ANGPT2: variants seen among roughly 807,000 people sequenced by gnomAD.
The protein encoded by ANGPT2 is angiopoietin 2, also known as angiopoietin-2.
A neutral mutation model predicts 62.9 loss-of-function variants in ANGPT2; 28 were observed. The observed-to-expected ratio is 0.44, with a 90% confidence interval of 0.33 to 0.61. The LOEUF (loss-of-function observed/expected upper bound fraction) is 0.61. ANGPT2 is among the 20% of genes least tolerant of loss of function. The probability of loss-of-function intolerance (pLI) is 0.03; values close to 1 mark genes in which losing one functional copy is unlikely to be tolerated. For synonymous variants in ANGPT2, 284 were observed against 207.8 expected (o/e 1.37, Z -3.15); for missense variants, 727 against 594.9 (o/e 1.22, Z -2.31).
At chr8:6,537,789 G>T (rs940751308) in intron 1 of ANGPT2, among the ~76,000 whole-genome samples, 2 of 152,022 alleles carry the variant, frequency 1.3e-5, no homozygotes, top group Non-Finnish European at 2.9e-5. Flanking sequence ...AACTGGCTCA[G>T]TAAAGGAAAA....
rs377311137 is a variant in ANGPT2 at position 6,562,947 on chromosome 8, A to C, written c.-13T>G. The C allele has an allele frequency of 3.4e-5, 54 of 1,570,478 alleles. No homozygotes were observed. In the African/African-American group the frequency reaches 6.9e-4, roughly 20 times the overall value. Reference sequence around the variant, plus strand: ...CAATCTGCCACATTCTTTCTTCAGTAATAAACCAGCAGCTTAGCAAACTTG... The same window carrying C: ...CAATCTGCCACATTCTTTCTTCAGTCATAAACCAGCAGCTTAGCAAACTTG... On this transcript the variant is annotated 5_prime_UTR_variant, in exon 1 of 9. The change creates a new upstream start codon in the 5' untranslated region. Transcript: ENST00000629816.
chr8:6,541,853 T>A (rs1386704716), intron 1 of ANGPT2, among the ~76,000 whole-genome samples: 1 of 151,800 alleles, frequency 6.6e-6, no homozygotes, highest in Non-Finnish European at 1.5e-5. Flanking sequence ...AAAATTTTTT[T>A]AAAAATTAGC....
chr8:6,508,630 G>C (rs79055135), intron 8 of ANGPT2: 6,706 of 561,610 alleles, frequency 0.012, 374 homozygotes, highest in African/African-American at 0.11. Flanking sequence ...CATCTCTCTA[G>C]TATCCAGCAA....
chr8:6,511,966 C>G (rs186825146), intron 7 of ANGPT2, among the ~76,000 whole-genome samples: 332 of 148,080 alleles, frequency 2.2e-3, no homozygotes, highest in Non-Finnish European at 3.6e-3. Flanking sequence ...AAATATTTAA[C>G]TTGGAGGTAA....
In ANGPT2 at chr8:6,514,710, A is replaced by G. The variant is rs1476656091; in HGVS notation, c.996T>C (p.Val332=). The change falls in exon 6 of 9, where the codon GTT becomes GTC. Residue 332 remains valine, a synonymous_variant. Coordinates refer to ENST00000629816, the MANE Select transcript of ANGPT2 (RefSeq NM_001118887.2). ...ATTCTTTCCAAGTCCTCTGAAAATC[A>G]ACGCTGCCATCCTCACGTCGCTGAA... ...TIIQRREDGS[V]DFQRTWKEYK... 6 of 1,614,110 alleles carry G rather than the reference A, an allele frequency of 3.7e-6. 1 individual carries two copies. In the South Asian group the frequency reaches 5.5e-5, roughly 15 times the overall value.
At chr8:6,557,504 C>G (rs1333736747) in intron 1 of ANGPT2, among the ~76,000 whole-genome samples, 1 of 151,984 alleles carries the variant, frequency 6.6e-6, no homozygotes, top group African/African-American at 2.4e-5. Context: ...GGAGAAAATT[C>G]TCATTGTTAG....
At chr8:6,526,808 A>G (rs1007151411) in intron 3 of ANGPT2, among the ~76,000 whole-genome samples, 3 of 152,232 alleles carry the variant, frequency 2.0e-5, no homozygotes, top group South Asian at 4.1e-4. Context: ...CACACCAGGT[A>G]TGTGCATAAA....
chr8:6,513,427 G>T (rs1480507081), intron 7 of ANGPT2, among the ~76,000 whole-genome samples: 1 of 151,480 alleles, frequency 6.6e-6, no homozygotes, highest in Non-Finnish European at 1.5e-5. Flanking sequence ...CCGCCTCCCG[G>T]GTTCACGCCA....
At chr8:6,528,188 G>A (rs1818750089) in intron 2 of ANGPT2, among the ~76,000 whole-genome samples, 1 of 152,142 alleles carries the variant, frequency 6.6e-6, no homozygotes, top group Non-Finnish European at 1.5e-5. Context: ...ATTAGCCACT[G>A]CACCCGGCCG....
intron 1 of ANGPT2, among the ~76,000 whole-genome samples, chr8:6,551,380 T>C (rs999719129): frequency 6.7e-6 from 1 of 148,576 alleles, no homozygotes; most frequent in South Asian, 2.1e-4. Context: ...AGGCCAATTA[T>C]GTAACTGTAA....
At chr8:6,508,132 A>C (rs769551713) in intron 8 of ANGPT2, 1 of 152,222 alleles carries the variant, frequency 6.6e-6, no homozygotes, top group Admixed American at 6.5e-5. Flanking sequence ...AGGTGTTGCT[A>C]TATATTAATG....
intron 3 of ANGPT2, among the ~76,000 whole-genome samples, chr8:6,524,508 A>G (rs2129570087): frequency 6.6e-6 from 1 of 152,360 alleles, no homozygotes; most frequent in Middle Eastern, 3.4e-3. Context: ...AACCGAAAGC[A>G]TGTGAAATTG....
Position 6,503,000 on chromosome 8 carries a change from C to G in ANGPT2, c.*101G>C, listed in dbSNP as rs531091282. ...CCCGTCAGCACCGAGCACACGCCCTCTGTGGTGGAAGAGGACACAGTGCGC... is the reference window on the plus strand; with the variant it reads ...CCCGTCAGCACCGAGCACACGCCCTGTGTGGTGGAAGAGGACACAGTGCGC... On this transcript the variant is annotated 3_prime_UTR_variant, in exon 9 of 9. Transcript: ENST00000629816. 1.4e-6 allele frequency: 2 copies of G among 1,415,478 alleles called. No individual in the cohort carries two copies. The highest frequency in any genetic ancestry group is 1.4e-5 in the African/African-American group (1 of 70,830). The allele number at this position is 1,415,478 out of a possible 1,614,324, so 87.7% of individuals were successfully genotyped here. A position where few individuals can be genotyped will look rare whatever the true frequency, so the allele number is the denominator to read the frequency against.
intron 1 of ANGPT2, among the ~76,000 whole-genome samples, chr8:6,546,079 G>C (rs1822532423): frequency 6.6e-6 from 1 of 152,180 alleles, no homozygotes; most frequent in Non-Finnish European, 1.5e-5. Context: ...GGAACTACTG[G>C]CTCAATACTT....
chr8:6,539,011 C>A (rs971052270), intron 1 of ANGPT2, among the ~76,000 whole-genome samples: 1 of 144,460 alleles, frequency 6.9e-6, no homozygotes, highest in Non-Finnish European at 1.5e-5. Flanking sequence ...TCTCCTCCCC[C>A]TCCTTTTAGA....
chr8:6,532,596 A>G lies in ANGPT2; in HGVS notation c.289-109T>C, dbSNP rs928793153. 10 of 775,512 alleles carry G rather than the reference A, an allele frequency of 1.3e-5. No homozygotes were observed. In the African/African-American group the frequency reaches 1.7e-4, roughly 13 times the overall value. 48.0% of individuals were successfully genotyped at this position (775,512 alleles called of 1,614,324 possible). A position where few individuals can be genotyped will look rare whatever the true frequency, so the allele number is the denominator to read the frequency against. Reference sequence around the variant, plus strand: ...CTTTAAAAAAAAAAAAAAAAAATCTATCAAAAGACTTGTACCTTGCCTTCC... The same window carrying G: ...CTTTAAAAAAAAAAAAAAAAAATCTGTCAAAAGACTTGTACCTTGCCTTCC... On this transcript the variant is annotated intron_variant, in intron 1 of 8. Coordinates refer to ENST00000629816, the MANE Select transcript of ANGPT2 (RefSeq NM_001118887.2).
rs998517014 is a variant in ANGPT2 at position 6,514,571 on chromosome 8, C to G, written c.1029+106G>C. The G allele has an allele frequency of 1.9e-5, 19 of 991,776 alleles. No individual in the cohort carries two copies. In the Admixed American group the frequency reaches 2.6e-4, roughly 14 times the overall value. 61.4% of individuals were successfully genotyped at this position (991,776 alleles called of 1,614,324 possible). ...GAAGCACCAATTTTAAAAACCATGT[C>G]AAAAGTCATTGGTTAGTTTGGGATT... is the stretch of plus-strand genomic sequence containing the variant. On this transcript the variant is annotated intron_variant, in intron 6 of 8. Coordinates refer to ENST00000629816, the MANE Select transcript of ANGPT2 (RefSeq NM_001118887.2).
At position 6,502,891 on chromosome 8, in the gene ANGPT2, G is replaced by A. The variant is rs1812469012; in HGVS notation, c.*210C>T. On this transcript the variant is annotated 3_prime_UTR_variant, in exon 9 of 9. Transcript: ENST00000629816. ...GGTGTTCTGTCTAATCACAATTATGGATGTTTAGGGTCTTGCTTTGGTCCG... is the reference window on the plus strand; with the variant it reads ...GGTGTTCTGTCTAATCACAATTATGAATGTTTAGGGTCTTGCTTTGGTCCG... The A allele has an allele frequency of 3.6e-6, 2 of 551,646 alleles. No homozygotes were observed. The highest frequency in any genetic ancestry group is 3.4e-5 in the Admixed American group (1 of 29,600). 34.2% of individuals were successfully genotyped at this position (551,646 alleles called of 1,614,324 possible). A position where few individuals can be genotyped will look rare whatever the true frequency, so the allele number is the denominator to read the frequency against.
At chr8:6,554,467 G>A (rs3020228) in intron 1 of ANGPT2, among the ~76,000 whole-genome samples, 2,344 of 152,056 alleles carry the variant, frequency 0.015, 58 homozygotes, top group African/African-American at 0.05. Flanking sequence ...CATTTCCCAA[G>A]ATTTCTATAT....
Sources: allele counts gnomAD v4.1 joint callset (sites outside exome capture counted in the v4.1 genomes callset), GRCh38; gene constraint gnomAD v4.1.1; transcripts MANE v1.5; gene names NCBI Gene and HGNC (gene_info 2026-07-23, HGNC 2026-07-21).